The following CLVS1 variants were observed in gnomAD, a reference collection of about 807,000 sequenced individuals.
CLVS1 encodes the protein clavesin 1.
In CLVS1, 10 loss-of-function variants were observed where a neutral mutation model predicts 33.1. The ratio of observed to expected loss-of-function variants is 0.30; its 90% confidence interval spans 0.19 to 0.51. CLVS1 has a LOEUF of 0.51. Ranked by LOEUF, CLVS1 falls within the 20% of genes least tolerant of loss-of-function variation. The pLI, the probability that CLVS1 is intolerant of heterozygous loss-of-function variation, is 0.97. For missense variants in CLVS1, 343 were observed against 433.4 expected (o/e 0.79, Z 1.85); for synonymous variants, 163 against 166.1 (o/e 0.98, Z 0.14).
At chr8:61,033,058 AG>A in the CLVS1 span, among the ~76,000 whole-genome samples, 31 of 59,586 alleles carry the variant, frequency 5.2e-4, 1 homozygote, top group Middle Eastern at 9.6e-3. Context: ...AAAGAAAGAA[AG>A]ATAGAAAGAA....
chr8:61,060,332 A>G (rs899062885), intron 1 of CLVS1, among the ~76,000 whole-genome samples: 4 of 152,170 alleles, frequency 2.6e-5, no homozygotes, highest in Non-Finnish European at 4.4e-5. Context: ...TCAGCCTGCA[A>G]AGAGGAATAA....
intron 1 of CLVS1, among the ~76,000 whole-genome samples, chr8:61,104,029 A>T (rs933821780): frequency 4.6e-5 from 7 of 152,204 alleles, no homozygotes; most frequent in African/African-American, 1.7e-4. Context: ...TGATACTTTT[A>T]TCTGTTGTTC....
intron 1 of CLVS1, among the ~76,000 whole-genome samples, chr8:61,079,456 G>A (rs1158692897): frequency 6.6e-6 from 1 of 152,210 alleles, no homozygotes; most frequent in Admixed American, 6.5e-5. Flanking sequence ...GTTTAATGGT[G>A]TGAGTTGGCT....
intron 2 of CLVS1, among the ~76,000 whole-genome samples, chr8:61,246,568 A>G (rs1808815019): frequency 6.6e-6 from 1 of 152,084 alleles, no homozygotes; most frequent in Non-Finnish European, 1.5e-5. Flanking sequence ...AATTACTTAG[A>G]CTTATCCATA....
At chr8:61,263,500 T>C (rs1407919984) in intron 2 of CLVS1, among the ~76,000 whole-genome samples, 2 of 152,228 alleles carry the variant, frequency 1.3e-5, no homozygotes, top group African/African-American at 4.8e-5. Context: ...GTCTAACTCC[T>C]TTCGTCGGCT....
chr8:61,402,279 CA>C (rs940904096), intron 3 of CLVS1, among the ~76,000 whole-genome samples: 6 of 149,282 alleles, frequency 4.0e-5, no homozygotes, highest in East Asian at 1.9e-4. Flanking sequence ...GCATGTCAAG[CA>C]AAAAAAAAGA....
intron 5 of CLVS1, among the ~76,000 whole-genome samples, chr8:61,477,024 CAAA>C (rs879527101): frequency 0.087 from 13,227 of 152,240 alleles, 656 homozygotes; most frequent in Non-Finnish European, 0.12. Context: ...TGAATTTTAT[CAAA>C]GGCCTTTTCT....
At chr8:61,326,522 T>C (rs1162156082) in intron 2 of CLVS1, among the ~76,000 whole-genome samples, 1 of 152,198 alleles carries the variant, frequency 6.6e-6, no homozygotes, top group African/African-American at 2.4e-5. Flanking sequence ...AGATTCCTGG[T>C]ACCACATTCT....
intron 1 of CLVS1, among the ~76,000 whole-genome samples, chr8:61,101,229 T>A (rs1221985339): frequency 6.6e-6 from 1 of 152,194 alleles, no homozygotes; most frequent in Non-Finnish European, 1.5e-5. Flanking sequence ...GATTTTAATT[T>A]ATCCACATCT....
At chr8:61,297,873 T>C (rs761492779) in intron 1 of CLVS1, among the ~76,000 whole-genome samples, 8 of 152,130 alleles carry the variant, frequency 5.3e-5, no homozygotes, top group Non-Finnish European at 1.2e-4. Flanking sequence ...ACATCAAATA[T>C]TGAGAAAGCT....
chr8:61,483,834 C>G (rs923141006), intron 5 of CLVS1, among the ~76,000 whole-genome samples: 3 of 152,106 alleles, frequency 2.0e-5, no homozygotes, highest in Non-Finnish European at 4.4e-5. Flanking sequence ...ATAAACAGAA[C>G]CAAAGACAAA....
At chr8:61,357,793 G>T (rs1812800543) in intron 2 of CLVS1, among the ~76,000 whole-genome samples, 1 of 152,004 alleles carries the variant, frequency 6.6e-6, no homozygotes, top group Non-Finnish European at 1.5e-5. Flanking sequence ...CTGACCTCAG[G>T]TGATCCACCA....
intron 2 of CLVS1, among the ~76,000 whole-genome samples, chr8:61,330,053 CTCTACCTT>C (rs1811536066): frequency 6.6e-6 from 1 of 152,156 alleles, no homozygotes; most frequent in Non-Finnish European, 1.5e-5. Context: ...GCTGGTACCA[CTCTACCTT>C]TCTAGACATT....
At chr8:61,178,832 G>A (rs1807171247) in intron 2 of CLVS1, among the ~76,000 whole-genome samples, 1 of 152,008 alleles carries the variant, frequency 6.6e-6, no homozygotes, top group Non-Finnish European at 1.5e-5. Flanking sequence ...GCTTGCAAGA[G>A]CTCCTGAAAA....
At chr8:60,985,594 A>T in the CLVS1 span, among the ~76,000 whole-genome samples, 258 of 152,332 alleles carry the variant, frequency 1.7e-3, 1 homozygote, top group Non-Finnish European at 3.3e-3. Context: ...GAAACAGAGT[A>T]ATAATAAAAA....
intron 2 of CLVS1, among the ~76,000 whole-genome samples, chr8:61,226,909 A>G (rs1435837900): frequency 6.6e-6 from 1 of 152,186 alleles, no homozygotes; most frequent in African/African-American, 2.4e-5. Flanking sequence ...ATTTGAATGA[A>G]TAAGAGTTCC....
At chr8:61,451,002 A>G (rs1816931137) in intron 3 of CLVS1, among the ~76,000 whole-genome samples, 1 of 152,130 alleles carries the variant, frequency 6.6e-6, no homozygotes, top group Non-Finnish European at 1.5e-5. Context: ...TTCCTGGGCT[A>G]TGTCAAGCAG....
upstream of CLVS1, among the ~76,000 whole-genome samples, chr8:61,055,295 G>T (rs1448170341): frequency 6.6e-6 from 1 of 152,176 alleles, no homozygotes; most frequent in Non-Finnish European, 1.5e-5. Context: ...ACTTTAAAAT[G>T]TCACGTTGCA....
chr8:61,079,358 A>T (rs1308553391), intron 1 of CLVS1, among the ~76,000 whole-genome samples: 2 of 152,204 alleles, frequency 1.3e-5, no homozygotes, highest in African/African-American at 4.8e-5. Flanking sequence ...TTCCCTGGCC[A>T]TTCAATTTAG....
Sources: gnomAD v4.1 joint callset for allele counts (sites outside exome capture counted in the v4.1 genomes callset) on GRCh38, gnomAD v4.1.1 for gene constraint, MANE v1.5 for transcripts, NCBI Gene and HGNC (gene_info 2026-07-23, HGNC 2026-07-21) for gene names.